The following BBX variants were observed in gnomAD, a reference collection of about 807,000 sequenced individuals.
BBX encodes HMG box transcription factor BBX.
Under a neutral mutation model 100.2 loss-of-function variants are expected in BBX, and 30 were observed. The observed-to-expected ratio is 0.30, with a 90% confidence interval of 0.22 to 0.41. The LOEUF is 0.41. Among genes scored for constraint, BBX ranks in the 10% least tolerant of loss-of-function variants. BBX has a pLI of 1.00. For missense variants in BBX, 1,023 were observed against 1,129.8 expected (o/e 0.91, Z 1.35); for synonymous variants, 376 against 388.1 (o/e 0.97, Z 0.37).
chr3:107,791,108 A>G, intron 14 of BBX, 132 bp from the exon 15 acceptor site: 1 of 638,588 alleles, frequency 1.6e-6, no homozygotes, highest in South Asian at 2.5e-5. Context: ...GAATTAAGTA[A>G]TTGACATAAA....
chr3:107,689,238 A>G (rs892367600), intron 3 of BBX, among the ~76,000 whole-genome samples: 1 of 152,228 alleles, frequency 6.6e-6, no homozygotes, highest in Non-Finnish European at 1.5e-5. Context: ...TGTACTTAAA[A>G]ATATTTACAA....
chr3:107,718,294 G>A (rs1023139364), intron 5 of BBX, among the ~76,000 whole-genome samples: 12 of 146,038 alleles, frequency 8.2e-5, no homozygotes, highest in Non-Finnish European at 4.5e-5. Flanking sequence ...AATTATAATA[G>A]TATTAATATA....
intron 10 of BBX, among the ~76,000 whole-genome samples, chr3:107,768,792 A>C (rs1374175083): frequency 1.3e-5 from 2 of 150,978 alleles, no homozygotes; most frequent in Non-Finnish European, 2.9e-5. Flanking sequence ...GAGCATTCCT[A>C]TCAACTGACA....
At chr3:107,742,764 A>T (rs1395652928) in intron 7 of BBX, among the ~76,000 whole-genome samples, 1 of 152,194 alleles carries the variant, frequency 6.6e-6, no homozygotes, top group Non-Finnish European at 1.5e-5. Context: ...TTGACAAACC[A>T]TGTACAGGAT....
At chr3:107,746,345 C>CA (rs1177131952) in intron 8 of BBX, among the ~76,000 whole-genome samples, 2 of 152,158 alleles carry the variant, frequency 1.3e-5, no homozygotes, top group Non-Finnish European at 2.9e-5. Context: ...CATACTTGCA[C>CA]ATGGTGGTCA....
intron 3 of BBX, among the ~76,000 whole-genome samples, chr3:107,649,948 A>C (rs2057741836): frequency 6.6e-6 from 1 of 152,232 alleles, no homozygotes; most frequent in Non-Finnish European, 1.5e-5. Context: ...TAAGGTCAGC[A>C]TTAAGTTGCA....
At chr3:107,605,059 G>A (rs1200878814) in intron 2 of BBX, among the ~76,000 whole-genome samples, 1 of 152,136 alleles carries the variant, frequency 6.6e-6, no homozygotes, top group African/African-American at 2.4e-5. Flanking sequence ...TCGGTGAGAT[G>A]CCTTTTCACA....
intron 3 of BBX, among the ~76,000 whole-genome samples, chr3:107,651,528 A>G (rs1476818300): frequency 6.6e-6 from 1 of 152,214 alleles, no homozygotes; most frequent in Non-Finnish European, 1.5e-5. Flanking sequence ...GTTGAACAAG[A>G]TAATTACTCT....
At chr3:107,545,015 CAA>C (rs1394514115) in intron 2 of BBX, among the ~76,000 whole-genome samples, 1 of 136,630 alleles carries the variant, frequency 7.3e-6, no homozygotes, top group Non-Finnish European at 1.6e-5. Context: ...GACTCCGTCT[CAA>C]AAAAAAAAAA....
At chr3:107,526,768 C>A in intron 2 of BBX, 1 of 156,328 alleles carries the variant, frequency 6.4e-6, no homozygotes. Flanking sequence ...TATTAAAAAC[C>A]CAAGGAAGCA....
chr3:107,678,133 T>C (rs993791938), intron 3 of BBX, among the ~76,000 whole-genome samples: 3 of 152,120 alleles, frequency 2.0e-5, no homozygotes, highest in Non-Finnish European at 2.9e-5. Flanking sequence ...TTCCCACTTA[T>C]CTTCAGTGTC....
chr3:107,673,888 G>T (rs192387624), intron 3 of BBX, among the ~76,000 whole-genome samples: 17 of 152,166 alleles, frequency 1.1e-4, no homozygotes, highest in Admixed American at 9.8e-4. Context: ...TGTAAAACAC[G>T]CATAGAGCAG....
intron 10 of BBX, among the ~76,000 whole-genome samples, chr3:107,771,502 G>C (rs1296503513): frequency 1.3e-5 from 2 of 152,114 alleles, no homozygotes; most frequent in African/African-American, 2.4e-5. Flanking sequence ...TTATACAGTA[G>C]ATACATATTA....
rs63676262 is a variant in BBX at position 107,524,802 on chromosome 3, TGGG to T, written c.-155-1516_-155-1514del. Among the ~76,000 whole-genome samples, 4 of 21,164 alleles carry T rather than the reference TGGG, an allele frequency of 1.9e-4. No homozygotes were observed. The Admixed American group carries it at 2.6e-3, about 14-fold the overall frequency. The allele number at this position is 21,164 out of a possible 152,430, so 13.9% of individuals were successfully genotyped here. On this transcript the variant is annotated intron_variant, in intron 1 of 17. Transcript: ENST00000325805. Reference sequence around the variant, plus strand: ...AAAGTTTCGCGAGGTGGGGTGGAGGTGGGGGGGGGGGCGAAGGGGAAGGTGGGT... The same window carrying T: ...AAAGTTTCGCGAGGTGGGGTGGAGGTGGGGGGGGCGAAGGGGAAGGTGGGT...
intron 10 of BBX, among the ~76,000 whole-genome samples, chr3:107,760,466 C>T (rs949451153): frequency 6.6e-6 from 1 of 152,196 alleles, no homozygotes; most frequent in Non-Finnish European, 1.5e-5. Flanking sequence ...TTGGAAGATA[C>T]TGTGGGGATT....
chr3:107,709,077 T>C (rs2061560223), intron 3 of BBX, among the ~76,000 whole-genome samples: 2 of 152,132 alleles, frequency 1.3e-5, no homozygotes, highest in African/African-American at 2.4e-5. Context: ...ATAGAAGGAA[T>C]AATGAAAAGC....
chr3:107,524,807 G>C lies in BBX; in HGVS notation c.-155-1520G>C, dbSNP rs1418867225. On this transcript the variant is annotated intron_variant, in intron 1 of 17. Coordinates refer to ENST00000325805, the MANE Select transcript of BBX (RefSeq NM_001142568.3). ...TTCGCGAGGTGGGGTGGAGGTGGGGGGGGGGGCGAAGGGGAAGGTGGGTGG... is the reference window on the plus strand; with the variant it reads ...TTCGCGAGGTGGGGTGGAGGTGGGGCGGGGGGCGAAGGGGAAGGTGGGTGG... 2.0e-4 allele frequency among the ~76,000 whole-genome samples: 29 copies of C among 146,514 alleles called. No homozygotes were observed. The South Asian group carries it at 5.9e-3, about 30-fold the overall frequency.
chr3:107,663,051 C>T, intron 3 of BBX, among the ~76,000 whole-genome samples: 1 of 152,074 alleles, frequency 6.6e-6, no homozygotes, highest in South Asian at 2.1e-4. Flanking sequence ...ATTAATGACC[C>T]TTTGTACCTT....
intron 3 of BBX, among the ~76,000 whole-genome samples, chr3:107,701,011 G>A (rs994126315): frequency 1.3e-5 from 2 of 151,842 alleles, no homozygotes; most frequent in Non-Finnish European, 1.5e-5. Context: ...CTGAGGGATC[G>A]CCACACTGAC....
Sources: allele counts gnomAD v4.1 joint callset (sites outside exome capture counted in the v4.1 genomes callset), GRCh38; gene constraint gnomAD v4.1.1; transcripts MANE v1.5; gene names NCBI Gene and HGNC (gene_info 2026-07-23, HGNC 2026-07-21).